AMPD1: variants seen among roughly 807,000 people sequenced by gnomAD.
AMPD1 encodes AMP deaminase 1.
Under a neutral mutation model 82.9 loss-of-function variants are expected in AMPD1, and 74 were observed. The ratio of observed to expected loss-of-function variants is 0.89; its 90% CI spans 0.74 to 1.08. The LOEUF is 1.08. Ranked by LOEUF, AMPD1 falls within the 50% of genes least tolerant of loss-of-function variation. The pLI is 0.00. For missense variants in AMPD1, 881 were observed against 924.5 expected (o/e 0.95, Z 0.61); for synonymous variants, 333 against 320.5 (o/e 1.04, Z -0.42).
intron 13 of AMPD1, 68 bp from the exon 14 acceptor site, chr1:114,674,150 T>A: frequency 7.1e-7 from 1 of 1,411,858 alleles, no homozygotes; most frequent in East Asian, 2.4e-5. Flanking sequence ...AACACTACAA[T>A]CTCATGGTCT....
At chr1:114,677,863 C>G in intron 9 of AMPD1, 47 bp downstream of exon 9, 1 of 1,382,790 alleles carries the variant, frequency 7.2e-7, no homozygotes. Flanking sequence ...CTTCCCTTTC[C>G]TCAAGAACCA....
In AMPD1 at chr1:114,679,513, T is replaced by G. The variant is rs1303258371; in HGVS notation, c.897+66A>C. 1.0e-5 allele frequency: 16 copies of G among 1,591,012 alleles called. No individual in the cohort carries two copies. In the Admixed American group the frequency reaches 2.7e-4, roughly 27 times the overall value. Reference sequence around the variant, plus strand: ...TAATCAGAAACACACTCTTTTCTTGTGCTTCTCAATAAATAATTGAATTGT... The same window carrying G: ...TAATCAGAAACACACTCTTTTCTTGGGCTTCTCAATAAATAATTGAATTGT... On this transcript the variant is annotated intron_variant, in intron 7 of 15. Coordinates refer to ENST00000520113, the MANE Select transcript of AMPD1 (RefSeq NM_000036.3).
chr1:114,679,091 G>T (rs1047856924), intron 7 of AMPD1, among the ~76,000 whole-genome samples: 1 of 152,132 alleles, frequency 6.6e-6, no homozygotes, highest in South Asian at 2.1e-4. Flanking sequence ...AATACATCTT[G>T]GAAGTGTGTC....
chr1:114,688,750 G>T lies in AMPD1; in HGVS notation c.35-9C>A, dbSNP rs1658421267. On this transcript the variant is annotated splice_polypyrimidine_tract_variant and intron_variant, in intron 2 of 15. Coordinates refer to ENST00000520113, the MANE Select transcript of AMPD1 (RefSeq NM_000036.3). ...CATTGCATCATCAATTTCTAAAAGA[G>T]GTTTTCACATATTAGTGTTCAAGCC... 6.2e-7 allele frequency: 1 copy of T among 1,614,128 alleles called. No homozygotes were observed. Among genetic ancestry groups the T allele is most frequent in the African/African-American group, 1.3e-5 (1 of 75,040 alleles).
Position 114,678,381 on chromosome 1 carries a change from T to C in AMPD1, c.1044A>G (p.Leu348=). 6.2e-7 allele frequency: 1 copy of C among 1,614,182 alleles called. No individual in the cohort carries two copies. The highest frequency in any genetic ancestry group is 2.2e-5 in the East Asian group (1 of 44,886). ...CAGTCAGGTCATAAGGATGCATTTT[T>C]AATTTAGCAAAAAGTTCCTTTAGGG... is the stretch of plus-strand genomic sequence containing the variant. The part of the protein sequence containing the change: ...NLTLKELFAK[L]KMHPYDLTVD... The change falls in exon 8 of 16, where the codon TTA becomes TTG. Residue 348 remains leucine, a synonymous_variant. Coordinates refer to ENST00000520113, the MANE Select transcript of AMPD1 (RefSeq NM_000036.3).
chr1:114,691,015 T>C lies in AMPD1; in HGVS notation c.35-2274A>G, dbSNP rs547166993. Among the ~76,000 whole-genome samples the C allele has an allele frequency of 2.6e-5, 4 of 152,342 alleles. No homozygotes were observed. The South Asian group carries it at 8.3e-4, about 32-fold the overall frequency. ...GCTCTTCCAGAACAAGCATTCATTG[T>C]CTGGGACTGCACATTTCTATTTGTT... On this transcript the variant is annotated intron_variant, in intron 2 of 15. Coordinates refer to ENST00000520113, the MANE Select transcript of AMPD1 (RefSeq NM_000036.3).
chr1:114,689,053 C>A (rs1658431193), intron 2 of AMPD1: 1 of 594,272 alleles, frequency 1.7e-6, no homozygotes, highest in African/African-American at 1.8e-5. Context: ...CTGTTTCTGG[C>A]AAGGCTAAGT....
chr1:114,675,572 T>G lies in AMPD1; in HGVS notation c.1637A>C (p.Tyr546Ser). Residue 546 changes from tyrosine to serine, a missense_variant, in exon 12 of 16, where the codon TAC becomes TCC. Coordinates refer to ENST00000520113, the MANE Select transcript of AMPD1 (RefSeq NM_000036.3). The stretch of plus-strand genomic sequence containing the variant: ...CACCATGATGTTTGCATACATGTAG[T>G]AGGCATAGTAAGTGTAAGATGGATT... ...EKNPSYTYYA[Y>S]YMYANIMVLN... is the part of the protein sequence containing the mutation. 6.2e-7 allele frequency: 1 copy of G among 1,614,224 alleles called. No individual in the cohort carries two copies. The highest frequency in any genetic ancestry group is 8.5e-7 in the Non-Finnish European group (1 of 1,180,024).
At chr1:114,693,030 C>T (rs1206543091) in intron 2 of AMPD1, among the ~76,000 whole-genome samples, 4 of 151,380 alleles carry the variant, frequency 2.6e-5, no homozygotes, top group Non-Finnish European at 5.9e-5. Flanking sequence ...GAGGCTGAGG[C>T]AAGATAATTA....
intron 10 of AMPD1, 122 bp downstream of exon 10, chr1:114,677,229 G>GA: frequency 7.4e-7 from 1 of 1,353,612 alleles, no homozygotes; most frequent in Non-Finnish European, 1.0e-6. Context: ...ACCCGATAGT[G>GA]AATGCTGTTT....
At chr1:114,690,903 G>T (rs1009776329) in intron 2 of AMPD1, among the ~76,000 whole-genome samples, 7 of 152,154 alleles carry the variant, frequency 4.6e-5, no homozygotes, top group African/African-American at 7.2e-5. Context: ...CAGTCATGCT[G>T]GGTCTGCAGC....
At chr1:114,675,799 G>GCA (rs1657964884) in intron 11 of AMPD1, 78 bp downstream of exon 11, 1 of 1,613,046 alleles carries the variant, frequency 6.2e-7, no homozygotes, top group Admixed American at 1.7e-5. Context: ...AAAGAGATAA[G>GCA]CACCAAGAAT....
At position 114,673,636 on chromosome 1, in the gene AMPD1, T is replaced by A; in HGVS notation, c.2085+3A>T. On this transcript the variant is annotated splice_donor_region_variant and intron_variant, in intron 15 of 15. Transcript: ENST00000520113. ...AAGGGAAGCCATTTGAAGACAGGTC[T>A]ACCTCATGAGAAATTCCACACTGCA... 1 of 1,610,712 alleles carries A rather than the reference T, an allele frequency of 6.2e-7. No homozygotes were observed.
chr1:114,688,426 T>G, intron 3 of AMPD1, 135 bp downstream of exon 3: 1 of 1,034,698 alleles, frequency 9.7e-7, no homozygotes, highest in Non-Finnish European at 1.5e-6. Flanking sequence ...CTGTGCCCAG[T>G]CTTAGGAATT....
intron 6 of AMPD1, 56 bp downstream of exon 6, chr1:114,680,203 G>T: frequency 6.9e-7 from 1 of 1,445,394 alleles, no homozygotes; most frequent in Non-Finnish European, 9.7e-7. Context: ...AGTACTAGTT[G>T]TTGTTTAGGT....
chr1:114,678,144 G>T, intron 8 of AMPD1, 103 bp from the exon 9 acceptor site: 1 of 1,507,722 alleles, frequency 6.6e-7, no homozygotes, highest in Non-Finnish European at 9.2e-7. Flanking sequence ...AGTGGGGGAG[G>T]GCATTGGGCT....
intron 1 of AMPD1, among the ~76,000 whole-genome samples, chr1:114,694,748 G>T (rs1033499201): frequency 3.9e-5 from 6 of 152,122 alleles, no homozygotes; most frequent in Admixed American, 6.5e-5. Context: ...GGAGGCTGAG[G>T]TGGGAGGATC....
In AMPD1 at chr1:114,693,429, T is replaced by C; in HGVS notation, c.34+7A>G. Reference sequence around the variant, plus strand: ...ACAAATGGCAGCAAAAGTAATGCAATACTCACGTTTCTCTTCAGCTGTATG... The same window carrying C: ...ACAAATGGCAGCAAAAGTAATGCAACACTCACGTTTCTCTTCAGCTGTATG... On this transcript the variant is annotated splice_region_variant and intron_variant, in intron 2 of 15. Coordinates refer to ENST00000520113, the MANE Select transcript of AMPD1 (RefSeq NM_000036.3). 1.9e-6 allele frequency: 3 copies of C among 1,609,944 alleles called. No homozygotes were observed. Among genetic ancestry groups the C allele is most frequent in the Non-Finnish European group, 2.6e-6 (3 of 1,176,422 alleles).
At position 114,688,614 on chromosome 1, in the gene AMPD1, C is replaced by T. The variant is rs1322419465; in HGVS notation, c.162G>A (p.Met54Ile). The change falls in exon 3 of 16, where the codon ATG becomes ATA. Residue 54 changes from methionine (M) to isoleucine (I), a missense_variant. Met to Ile is a conservative substitution (Grantham distance 10). Transcript: ENST00000520113. ...TCTCCAGATGGAATATGTGTGCTTGCATCTCATGATGAGAAATCGGACAGA... is the reference window on the plus strand; with the variant it reads ...TCTCCAGATGGAATATGTGTGCTTGTATCTCATGATGAGAAATCGGACAGA... ...DEICPISHHEMQAHIFHLETL... is the reference protein window; with the variant it reads ...DEICPISHHEIQAHIFHLETL... 6.2e-7 allele frequency: 1 copy of T among 1,614,196 alleles called. No homozygotes were observed. The highest frequency in any genetic ancestry group is 8.5e-7 in the Non-Finnish European group (1 of 1,180,046).
Sources: gnomAD v4.1 joint callset for allele counts (sites outside exome capture counted in the v4.1 genomes callset) on GRCh38, gnomAD v4.1.1 for gene constraint, MANE v1.5 for transcripts, NCBI Gene and HGNC (gene_info 2026-07-23, HGNC 2026-07-21) for gene names.